DENND3: variants seen among roughly 807,000 people sequenced by gnomAD.
The protein encoded by DENND3 is DENN domain containing 3.
In DENND3, 88 loss-of-function variants were observed where a neutral mutation model predicts 135.1. That is an observed-to-expected ratio of 0.65 (90% CI 0.55 to 0.78). The LOEUF is 0.78. Ranked by LOEUF, DENND3 falls within the 30% of genes least tolerant of loss-of-function variation. The pLI is 0.00. For missense variants in DENND3, 1,392 were observed against 1,688.4 expected (o/e 0.82, Z 3.08); for synonymous variants, 693 against 712.3 (o/e 0.97, Z 0.43).
At chr8:141,178,736 C>T (rs1017396072) in intron 16 of DENND3, among the ~76,000 whole-genome samples, 2 of 152,256 alleles carry the variant, frequency 1.3e-5, no homozygotes, top group African/African-American at 4.8e-5. Flanking sequence ...CTTCCCCAGA[C>T]AGGAATCCTC....
At chr8:141,180,493 T>G (rs1032677373) in intron 16 of DENND3, among the ~76,000 whole-genome samples, 1 of 152,230 alleles carries the variant, frequency 6.6e-6, no homozygotes. Context: ...CATAGGGGCA[T>G]GGAGGTGTGG....
intron 17 of DENND3, 82 bp from the exon 18 acceptor site, chr8:141,185,057 G>A (rs2154613473): frequency 6.5e-7 from 1 of 1,534,622 alleles, no homozygotes; most frequent in South Asian, 1.2e-5. Flanking sequence ...GGCCCAGGAG[G>A]CACCTGAGTA....
At position 141,182,595 on chromosome 8, in the gene DENND3, C is replaced by G; in HGVS notation, c.2944+1741C>G. On this transcript the variant is annotated intron_variant, in intron 17 of 22. Transcript: ENST00000519811. This position sits in a 1 kb window ranked among gnomAD's most constrained non-coding sequence, Gnocchi z 5.9. ...TTCCCCTCCAGGAGCATCTCGAAGGCCTGCAGAGAGCGTGCAAAGCAGCCG... is the reference window on the plus strand; with the variant it reads ...TTCCCCTCCAGGAGCATCTCGAAGGGCTGCAGAGAGCGTGCAAAGCAGCCG... 1 of 663,660 alleles carries G rather than the reference C, an allele frequency of 1.5e-6. No individual in the cohort carries two copies. 41.1% of individuals were successfully genotyped at this position (663,660 alleles called of 1,614,324 possible). A position where few individuals can be genotyped will look rare whatever the true frequency, so the allele number is the denominator to read the frequency against.
Position 141,175,301 on chromosome 8 carries a change from A to G in DENND3, c.2377A>G (p.Met793Val). 1 of 1,614,236 alleles carries G rather than the reference A, an allele frequency of 6.2e-7. No individual in the cohort carries two copies. The highest frequency in any genetic ancestry group is 8.5e-7 in the Non-Finnish European group (1 of 1,180,032). The change falls in exon 14 of 23, where the codon ATG becomes GTG. Residue 793 changes from methionine to valine, a missense_variant. Transcript: ENST00000519811. The surrounding 1 kb of genome is among the most constrained non-coding windows in gnomAD (Gnocchi z 5.4). ...GGAGGTCAGTCTGCCGTGGCTGGTG[A>G]TGGAACACCTGGATAAAAACGAGTG... ...AQEVSLPWLVMEHLDKNECVC... is the reference protein window; with the variant it reads ...AQEVSLPWLVVEHLDKNECVC...
rs142830138 is a variant in DENND3 at position 141,168,368 on chromosome 8, C to G, written c.2118C>G (p.Asp706Glu). The G allele has an allele frequency of 3.2e-5, 52 of 1,613,696 alleles. No individual in the cohort carries two copies. In the African/African-American group the frequency reaches 6.4e-4, roughly 20 times the overall value. The change falls in exon 13 of 23, where the codon GAC becomes GAG. Residue 706 changes from aspartate to glutamate, a missense_variant. By Grantham distance (45) the Asp-to-Glu change is conservative. Coordinates refer to ENST00000519811, the MANE Select transcript of DENND3 (RefSeq NM_001352890.3). The surrounding 1 kb of genome is among the most constrained non-coding windows in gnomAD (Gnocchi z 6.2). ...TGAGGCTCATCAGCGAGATCCTGGA[C>G]AAGCCGCACGAGGCCTCGAAGCTGG... ...ELMRLISEIL[D>E]KPHEASKLDD...
intron 1 of DENND3, among the ~76,000 whole-genome samples, chr8:141,134,888 T>C (rs1589528229): frequency 6.6e-6 from 1 of 152,298 alleles, no homozygotes; most frequent in Admixed American, 6.5e-5. Flanking sequence ...TGGACTGCAG[T>C]GGTGAGATCT....
intron 9 of DENND3, among the ~76,000 whole-genome samples, chr8:141,161,502 T>C (rs1031068674): frequency 3.3e-5 from 5 of 152,362 alleles, no homozygotes; most frequent in Non-Finnish European, 7.3e-5. Flanking sequence ...TGAGTTGCTA[T>C]TTCTGGCCTA....
At chr8:141,143,408 T>G (rs1817701730) in intron 4 of DENND3, among the ~76,000 whole-genome samples, 1 of 152,164 alleles carries the variant, frequency 6.6e-6, no homozygotes, top group African/African-American at 2.4e-5. Flanking sequence ...TTAATTTTCA[T>G]TTACAAATTT....
At position 141,130,708 on chromosome 8, in the gene DENND3, A is replaced by G. The variant is rs1815949015; in HGVS notation, c.102+1899A>G. Among the ~76,000 whole-genome samples, 1 of 147,358 alleles carries G rather than the reference A, an allele frequency of 6.8e-6. No individual in the cohort carries two copies. Among genetic ancestry groups the G allele is most frequent in the South Asian group, 2.1e-4 (1 of 4,728 alleles). Reference sequence around the variant, plus strand: ...TTAAATATATTTTTTTTTTTTTGAGACAGAGTTTTGCTCTGTTGCCCAGGA... The same window carrying G: ...TTAAATATATTTTTTTTTTTTTGAGGCAGAGTTTTGCTCTGTTGCCCAGGA... On this transcript the variant is annotated intron_variant, in intron 1 of 22. Transcript: ENST00000519811. This position sits in a 1 kb window ranked among gnomAD's most constrained non-coding sequence, Gnocchi z 4.2.
At chr8:141,180,933 T>G (rs2278448) in intron 17 of DENND3, 79 bp downstream of exon 17, 418,353 of 1,207,084 alleles carry the variant, frequency 0.35, 75,097 homozygotes, top group Non-Finnish European at 0.37. Context: ...GGGTCAGCCC[T>G]GAAGTGAAAG....
Position 141,144,738 on chromosome 8 carries a change from G to C in DENND3, c.735+479G>C, listed in dbSNP as rs553638201. 1.3e-5 allele frequency among the ~76,000 whole-genome samples: 2 copies of C among 152,204 alleles called. No homozygotes were observed. Among genetic ancestry groups the C allele is most frequent in the African/African-American group, 4.8e-5 (2 of 41,534 alleles). On this transcript the variant is annotated intron_variant, in intron 5 of 22. Coordinates refer to ENST00000519811, the MANE Select transcript of DENND3 (RefSeq NM_001352890.3). The surrounding 1 kb of genome is among the most constrained non-coding windows in gnomAD (Gnocchi z 4.4). ...AGCTGACCAGCATTAGGTTAAAATG[G>C]AGATCCTAAGACCGACAGAACAGAC...
rs1822206346 is a variant in DENND3 at position 141,175,476 on chromosome 8, C to G, written c.2535+17C>G. ...AATATAGAGGTAAGGACAGCACAGG[C>G]AGACGGCGCCAGACCCCACCTGTGT... On this transcript the variant is annotated intron_variant, in intron 14 of 22. Coordinates refer to ENST00000519811, the MANE Select transcript of DENND3 (RefSeq NM_001352890.3). The surrounding 1 kb of genome is among the most constrained non-coding windows in gnomAD (Gnocchi z 5.4). The G allele has an allele frequency of 6.2e-7, 1 of 1,614,042 alleles. No homozygotes were observed. The highest frequency in any genetic ancestry group is 8.5e-7 in the Non-Finnish European group (1 of 1,180,034).
At chr8:141,190,109 T>TGTTTGCAG (rs66531021) in intron 19 of DENND3, among the ~76,000 whole-genome samples, 175 bp from the exon 20 acceptor site, 2 of 151,460 alleles carry the variant, frequency 1.3e-5, no homozygotes, top group Non-Finnish European at 2.9e-5. Context: ...GTTATTATCA[T>TGTTTGCAG]GTTTGCAGGT....
Position 141,168,029 on chromosome 8 carries a change from G to GT in DENND3, c.1780dup (p.Tyr594LeufsTer39). On this transcript the variant is annotated frameshift_variant, in exon 13 of 23. Coordinates refer to ENST00000519811, the MANE Select transcript of DENND3 (RefSeq NM_001352890.3). LOFTEE classifies it high-confidence loss of function. This position sits in a 1 kb window ranked among gnomAD's most constrained non-coding sequence, Gnocchi z 6.2. The stretch of plus-strand genomic sequence containing the variant: ...TTCTGAATGTCACGCCGAAGTCCCC[G>GT]TATACATTCAAGATTCCCGAAATCC... 6.2e-7 allele frequency: 1 copy of GT among 1,613,116 alleles called. No homozygotes were observed. The highest frequency in any genetic ancestry group is 2.2e-5 in the East Asian group (1 of 44,834).
intron 22 of DENND3, chr8:141,193,202 G>A (rs1205952548): frequency 5.8e-6 from 1 of 172,872 alleles, no homozygotes; most frequent in Non-Finnish European, 1.2e-5. Context: ...TTCCAAAGAA[G>A]CTCACATTCT....
In DENND3 at chr8:141,139,667, G is replaced by A. The variant is rs377701774; in HGVS notation, c.501+1530G>A. ...GCTTGTGAAATAACACTTACCAGGA[G>A]CAATGCGCATGTTGTTTTCGTTATC... On this transcript the variant is annotated intron_variant, in intron 3 of 22. Coordinates refer to ENST00000519811, the MANE Select transcript of DENND3 (RefSeq NM_001352890.3). The surrounding 1 kb of genome is among the most constrained non-coding windows in gnomAD (Gnocchi z 4.2). Among the ~76,000 whole-genome samples, 5 of 152,194 alleles carry A rather than the reference G, an allele frequency of 3.3e-5. No homozygotes were observed. The highest frequency in any genetic ancestry group is 1.2e-4 in the African/African-American group (5 of 41,446).
intron 13 of DENND3, among the ~76,000 whole-genome samples, chr8:141,172,419 G>A (rs919340643): frequency 4.6e-5 from 7 of 152,136 alleles, no homozygotes; most frequent in Admixed American, 3.9e-4. Flanking sequence ...CTTGGTTGGG[G>A]TTTTCTAGAG....
In DENND3 at chr8:141,136,775, G is replaced by A. The variant is rs201228047; in HGVS notation, c.369G>A (p.Pro123=). Residue 123 remains proline, a synonymous_variant, in exon 2 of 23, where the codon CCG becomes CCA. Coordinates refer to ENST00000519811, the MANE Select transcript of DENND3 (RefSeq NM_001352890.3). ...GCGGCGTGGACCTCCTCACCCTGCCGCAGCTGTGCTTCCCAGGTATGTCTA... is the reference window on the plus strand; with the variant it reads ...GCGGCGTGGACCTCCTCACCCTGCCACAGCTGTGCTTCCCAGGTATGTCTA... ...VPGGVDLLTL[P]QLCFPGGVCV... is the part of the protein sequence containing the mutation. The A allele has an allele frequency of 2.0e-5, 31 of 1,579,250 alleles. No individual in the cohort carries two copies. The East Asian group carries it at 3.5e-4, about 18-fold the overall frequency.
chr8:141,150,845 G>A lies in DENND3; in HGVS notation c.747G>A (p.Met249Ile). Residue 249 changes from methionine (M) to isoleucine (I), a missense_variant, in exon 6 of 23, where the codon ATG becomes ATA. By Grantham distance (10) the Met-to-Ile change is conservative. Coordinates refer to ENST00000519811, the MANE Select transcript of DENND3 (RefSeq NM_001352890.3). ...PPGPLHLVFN[M>I]KSLQIVLPAR... ...ACTGGTTGTCGTAGGTATTTAACAT[G>A]AAGTCGCTCCAGATTGTGTTACCTG... 6.2e-7 allele frequency: 1 copy of A among 1,601,326 alleles called. No individual in the cohort carries two copies. Among genetic ancestry groups the A allele is most frequent in the Non-Finnish European group, 8.5e-7 (1 of 1,175,926 alleles).
Sources: gnomAD v4.1 joint callset for allele counts (sites outside exome capture counted in the v4.1 genomes callset) on GRCh38, gnomAD v4.1.1 for gene constraint, Gnocchi (gnomAD v3.1) non-coding constraint, MANE v1.5 for transcripts, NCBI Gene and HGNC (gene_info 2026-07-23, HGNC 2026-07-21) for gene names.